The following IPMK variants were observed in gnomAD, a reference collection of about 807,000 sequenced individuals.
The protein encoded by IPMK is inositol 1,3,4,6-tetrakisphosphate 5-kinase.
IPMK carries 17 observed loss-of-function variants against 45.8 expected under a neutral mutation model. That is an observed-to-expected ratio of 0.37 (90% CI 0.25 to 0.56). The LOEUF (loss-of-function observed/expected upper bound fraction) is 0.56, where lower values mean the gene tolerates loss of function less well. IPMK is among the 20% of genes least tolerant of loss of function. The probability of loss-of-function intolerance (pLI) is 0.79; values close to 1 mark genes in which losing one functional copy is unlikely to be tolerated. For missense variants in IPMK, 399 were observed against 498.0 expected, an observed-to-expected ratio of 0.80 and a Z score of 1.89; for synonymous variants, 180 against 184.3, an observed-to-expected ratio of 0.98 and a Z score of 0.19.
chr10:58,217,155 G>GT (rs1838255326), intron 3 of IPMK, among the ~76,000 whole-genome samples: 1 of 74,738 alleles, frequency 1.3e-5, no homozygotes, highest in Non-Finnish European at 2.4e-5. Flanking sequence ...AGCCCATCTT[G>GT]CTTTTTTTTT....
chr10:58,251,657 T>C (rs982545320), intron 1 of IPMK, among the ~76,000 whole-genome samples: 2 of 152,198 alleles, frequency 1.3e-5, no homozygotes, highest in African/African-American at 4.8e-5. Context: ...ACTTGGGTCC[T>C]CCAGTGTTGA....
intron 1 of IPMK, among the ~76,000 whole-genome samples, chr10:58,262,219 T>A (rs149815604): frequency 5.9e-5 from 9 of 152,174 alleles, no homozygotes; most frequent in Non-Finnish European, 1.2e-4. Context: ...GTTGTGCACA[T>A]GTACCCCAGA....
At position 58,236,099 on chromosome 10, in the gene IPMK, C is replaced by CTT. The variant is rs35225105; in HGVS notation, c.276+1628_276+1629dup. Among the ~76,000 whole-genome samples the CTT allele has an allele frequency of 7.1e-3, 1,042 of 146,532 alleles. 20 individuals are homozygous for CTT. Among genetic ancestry groups the CTT allele is most frequent in the African/African-American group, 0.025 (994 of 40,062 alleles). On this transcript the variant is annotated intron_variant, in intron 2 of 5. Transcript: ENST00000373935. ...ACGTGCCACCCACAGTGGGTTAATTCTTTTTTTTTTTGGTAGAGACGGGGT... is the reference window on the plus strand; with the variant it reads ...ACGTGCCACCCACAGTGGGTTAATTCTTTTTTTTTTTTTGGTAGAGACGGGGT...
At chr10:58,208,958 A>G (rs192984643) in intron 4 of IPMK, among the ~76,000 whole-genome samples, 4 of 152,286 alleles carry the variant, frequency 2.6e-5, no homozygotes, top group Admixed American at 1.3e-4. Context: ...AAGAGTGGGA[A>G]CTACCACAGC....
intron 2 of IPMK, among the ~76,000 whole-genome samples, chr10:58,232,555 C>A (rs1838541165): frequency 6.6e-6 from 1 of 152,212 alleles, no homozygotes; most frequent in Admixed American, 6.5e-5. Context: ...TACATGGAAA[C>A]TGAACAACTT....
chr10:58,264,786 C>T (rs1238295087), intron 1 of IPMK, among the ~76,000 whole-genome samples: 1 of 151,576 alleles, frequency 6.6e-6, no homozygotes, highest in Non-Finnish European at 1.5e-5. Flanking sequence ...TAAAGTATAC[C>T]GTAAGTGCAA....
chr10:58,209,784 G>A (rs1838130409), intron 4 of IPMK, among the ~76,000 whole-genome samples: 1 of 152,310 alleles, frequency 6.6e-6, no homozygotes, highest in South Asian at 2.1e-4. Flanking sequence ...TAGTCAGGGT[G>A]TTGGAGGCAG....
chr10:58,204,057 T>TA (rs1564527954), intron 4 of IPMK, among the ~76,000 whole-genome samples: 6 of 129,052 alleles, frequency 4.6e-5, no homozygotes, highest in African/African-American at 7.8e-5. Context: ...GTATACACAC[T>TA]GTTTTTTAAA....
At chr10:58,197,670 GA>G (rs10617632) in intron 5 of IPMK, among the ~76,000 whole-genome samples, 238 of 129,902 alleles carry the variant, frequency 1.8e-3, no homozygotes, top group Middle Eastern at 4.1e-3. Flanking sequence ...GAAAAGAAAA[GA>G]AAAAAAAAAA....
At chr10:58,257,605 A>T (rs1035885194) in intron 1 of IPMK, among the ~76,000 whole-genome samples, 3 of 152,232 alleles carry the variant, frequency 2.0e-5, no homozygotes, top group African/African-American at 7.2e-5. Flanking sequence ...ATGTTCTAAA[A>T]GTATTAAGAA....
intron 2 of IPMK, among the ~76,000 whole-genome samples, chr10:58,230,850 T>C (rs995037801): frequency 5.9e-5 from 9 of 152,182 alleles, no homozygotes; most frequent in African/African-American, 2.2e-4. Flanking sequence ...AGAAGTAGGC[T>C]TCACAAGGTC....
chr10:58,250,193 T>A (rs1027824258), intron 1 of IPMK, among the ~76,000 whole-genome samples: 3 of 152,200 alleles, frequency 2.0e-5, no homozygotes, highest in Non-Finnish European at 4.4e-5. Context: ...CATACAAATT[T>A]AGGACTTTTT....
intron 1 of IPMK, among the ~76,000 whole-genome samples, chr10:58,251,732 A>C (rs1588971026): frequency 6.6e-6 from 1 of 152,286 alleles, no homozygotes; most frequent in East Asian, 1.9e-4. Context: ...CCATTATGTA[A>C]CAAATGGCCT....
At position 58,221,363 on chromosome 10, in the gene IPMK, A is replaced by AT. The variant is rs60186414; in HGVS notation, c.374-5047dup. On this transcript the variant is annotated intron_variant, in intron 3 of 5. Coordinates refer to ENST00000373935, the MANE Select transcript of IPMK (RefSeq NM_152230.5). ...CATCATCCATAAGCTCAGCTTGCCT[A>AT]TTTTTTTTTTTTTAAATTCTGAAGA... 7.0e-4 allele frequency among the ~76,000 whole-genome samples: 102 copies of AT among 146,660 alleles called. 1 individual carries two copies. The East Asian group carries it at 8.5e-3, about 12-fold the overall frequency.
intron 3 of IPMK, among the ~76,000 whole-genome samples, chr10:58,216,903 C>A (rs1355490063): frequency 8.5e-5 from 13 of 152,112 alleles, no homozygotes; most frequent in Admixed American, 8.5e-4. Flanking sequence ...CTGGGCTAGA[C>A]TGCAGTGGCC....
chr10:58,231,744 C>T (rs535846534), intron 2 of IPMK, among the ~76,000 whole-genome samples: 12 of 152,210 alleles, frequency 7.9e-5, no homozygotes, highest in African/African-American at 2.2e-4. Context: ...TATGGACCAT[C>T]GATGCTATGA....
At chr10:58,246,677 G>A (rs953476357) in intron 1 of IPMK, among the ~76,000 whole-genome samples, 9 of 150,310 alleles carry the variant, frequency 6.0e-5, no homozygotes, top group Admixed American at 5.9e-4. Flanking sequence ...AGACTTAAAC[G>A]CTAGACCTAA....
At position 58,200,613 on chromosome 10, in the gene IPMK, A is replaced by G. The variant is rs1333040345; in HGVS notation, c.547-1292T>C. 2.0e-5 allele frequency among the ~76,000 whole-genome samples: 3 copies of G among 152,252 alleles called. No homozygotes were observed. In the East Asian group the frequency reaches 5.8e-4, roughly 29 times the overall value. On this transcript the variant is annotated intron_variant, in intron 4 of 5. Transcript: ENST00000373935. ...TATATGATAATGGGATTTTAAATCA[A>G]TGGGAAAAGATTATTTATTAAATTG...
Position 58,195,281 on chromosome 10 carries a change from T to C in IPMK, c.*795A>G, listed in dbSNP as rs536551922. 6.6e-5 allele frequency: 10 copies of C among 152,178 alleles called. No homozygotes were observed. The East Asian group carries it at 1.9e-3, about 29-fold the overall frequency. The allele number at this position is 152,178 out of a possible 1,614,324, so 9.4% of individuals were successfully genotyped here. ...ACAAAGGTATATGGTTTATGATACT[T>C]TCACAATGTAATAAATTTATATTCC... On this transcript the variant is annotated 3_prime_UTR_variant, in exon 6 of 6. Coordinates refer to ENST00000373935, the MANE Select transcript of IPMK (RefSeq NM_152230.5).
Sources: gnomAD v4.1 joint callset for allele counts (sites outside exome capture counted in the v4.1 genomes callset) on GRCh38, gnomAD v4.1.1 for gene constraint, MANE v1.5 for transcripts, NCBI Gene and HGNC (gene_info 2026-07-23, HGNC 2026-07-21) for gene names.